CYP2D6: variants seen among roughly 807,000 people sequenced by gnomAD.
CYP2D6 encodes the protein cytochrome P450 family 2 subfamily D member 6 (gene/pseudogene), also known as cytochrome P450 2D6.
Under a neutral mutation model 43.5 loss-of-function variants are expected in CYP2D6, and 51 were observed. That is an observed-to-expected ratio of 1.17 (90% CI 0.94 to 1.48). The LOEUF is 1.48. Among genes scored for constraint, CYP2D6 ranks in the 40% most tolerant of loss-of-function variants. CYP2D6 has a pLI of 0.00. For missense variants in CYP2D6, 698 were observed against 688.0 expected, an observed-to-expected ratio of 1.01 and a Z score of -0.16; for synonymous variants, 346 against 297.1, an observed-to-expected ratio of 1.16 and a Z score of -1.69.
chr22:42,128,118 C>T, intron 5 of CYP2D6, 56 bp downstream of exon 5: 2 of 1,578,844 alleles, frequency 1.3e-6, no homozygotes, highest in Non-Finnish European at 8.6e-7. Context: ...TCCCCTCATT[C>T]CTCCTGGGAC....
At position 42,128,863 on chromosome 22, in the gene CYP2D6, T is replaced by G. The variant is rs948982668; in HGVS notation, c.587A>C (p.Glu196Ala). 5 of 1,603,416 alleles carry G rather than the reference T, an allele frequency of 3.1e-6. No homozygotes were observed. The African/African-American group carries it at 6.7e-5, about 22-fold the overall frequency. Residue 196 changes from glutamate to alanine, a missense_variant, in exon 4 of 9, where the codon GAG becomes GCG. Transcript: ENST00000645361. ...IASLTCGRRF[E>A]YDDPRFLRLL... ...CCTGAGGAAGCGAGGGTCGTCGTACTCGAAGCGGCGCCCGCAGGTGAGGGA... is the reference window on the plus strand; with the variant it reads ...CCTGAGGAAGCGAGGGTCGTCGTACGCGAAGCGGCGCCCGCAGGTGAGGGA...
rs1569020058 is a variant in CYP2D6, at chr22:42,127,607, A to AC, written c.1012dup (p.Val338GlyfsTer12). On this transcript the variant is annotated frameshift_variant, in exon 7 of 9. Transcript: ENST00000645361. LOFTEE classifies it high-confidence loss of function. ...CTCTGGTCGCCGCACCTGCCCTATC[A>AC]CGTCGTCGATCTCCTGTTGGACACG... 5 of 1,611,616 alleles carry AC rather than the reference A, an allele frequency of 3.1e-6. No individual in the cohort carries two copies. Among genetic ancestry groups the AC allele is most frequent in the Non-Finnish European group, 4.2e-6 (5 of 1,178,470 alleles).
At position 42,128,191 on chromosome 22, in the gene CYP2D6, G is replaced by T; in HGVS notation, c.826C>A (p.Leu276Met). 6.2e-7 allele frequency: 1 copy of T among 1,608,034 alleles called. No individual in the cohort carries two copies. The change falls in exon 5 of 9, where the codon CTG (leucine) becomes ATG (methionine). Residue 276 changes from leucine (L) to methionine (M), a missense_variant. Transcript: ENST00000645361. The part of the protein sequence containing the change: ...QPPRDLTEAF[L>M]AEMEKAKGNP... Reference sequence around the variant, plus strand: ...ACTCTCACCTTCTCCATCTCTGCCAGGAAGGCCTCAGTCAGGTCTCGGGGG... The same window carrying T: ...ACTCTCACCTTCTCCATCTCTGCCATGAAGGCCTCAGTCAGGTCTCGGGGG...
Position 42,127,518 on chromosome 22 carries a change from C to T in CYP2D6, c.1102G>A (p.Asp368Asn). Residue 368 changes from aspartate to asparagine, a missense_variant, in exon 7 of 9, where the codon GAC (aspartate) becomes AAC (asparagine). Physicochemically the swap from Asp to Asn is conservative, Grantham distance 23. Transcript: ENST00000645361. Reference protein sequence around the residue: ...AVIHEVQRFGDIVPLGVTHMT... With the variant: ...AVIHEVQRFGNIVPLGVTHMT... ...TGGGTCACACCCAGGGGGACGATGTCCCCAAAGCGCTGCACCTCATGAATC... is the reference window on the plus strand; with the variant it reads ...TGGGTCACACCCAGGGGGACGATGTTCCCAAAGCGCTGCACCTCATGAATC... The T allele has an allele frequency of 6.2e-7, 1 of 1,611,928 alleles. No individual in the cohort carries two copies. Among genetic ancestry groups the T allele is most frequent in the Non-Finnish European group, 8.5e-7 (1 of 1,178,518 alleles).
intron 7 of CYP2D6, 30 bp downstream of exon 7, chr22:42,127,417 G>A: frequency 6.5e-7 from 1 of 1,550,384 alleles, no homozygotes; most frequent in Admixed American, 1.7e-5. Context: ...TGCTGGTGCT[G>A]AGCTGGGGTG....
rs936238133 is a variant in CYP2D6, at chr22:42,128,425, T to A, written c.667-75A>T. On this transcript the variant is annotated intron_variant, in intron 4 of 8. Coordinates refer to ENST00000645361, the MANE Select transcript of CYP2D6 (RefSeq NM_000106.6). Reference sequence around the variant, plus strand: ...CTGGACAAGTCTCAGGCCCCAGCCATCTCCAGGTAGACCCAGGGCCTGCCT... The same window carrying A: ...CTGGACAAGTCTCAGGCCCCAGCCAACTCCAGGTAGACCCAGGGCCTGCCT... The A allele has an allele frequency of 6.1e-5, 94 of 1,546,844 alleles. 1 individual carries two copies. The highest frequency in any genetic ancestry group is 1.7e-4 in the Middle Eastern group (1 of 5,948).
intron 7 of CYP2D6, 90 bp from the exon 8 acceptor site, chr22:42,127,082 G>A: frequency 6.9e-7 from 1 of 1,453,904 alleles, no homozygotes; most frequent in East Asian, 2.4e-5. Flanking sequence ...CACACTGCCT[G>A]GCACACAGCT....
chr22:42,129,368 C>A, intron 2 of CYP2D6, 183 bp from the exon 3 acceptor site: 2 of 915,440 alleles, frequency 2.2e-6, no homozygotes, highest in Middle Eastern at 2.1e-4. Context: ...TGCCCCACCT[C>A]GTCTCTGCCC....
chr22:42,128,944 C>G lies in CYP2D6; in HGVS notation c.506G>C (p.Gly169Ala), dbSNP rs1288779666. 6 of 1,586,454 alleles carry G rather than the reference C, an allele frequency of 3.8e-6. No homozygotes were observed. Among genetic ancestry groups the G allele is most frequent in the Non-Finnish European group, 4.3e-6 (5 of 1,166,760 alleles). ...CLCAAFANHS[G>A]RPFRPNGLLD... ...GAGACCGTTGGGGCGAAAGGGGCGT[C>G]CTGGGGGTGGGAGATGCGGGTAAGG... is the stretch of plus-strand genomic sequence containing the variant. Residue 169 changes from glycine (G) to alanine (A), a missense_variant and splice_region_variant, in exon 4 of 9, where the codon GGA becomes GCA. This residue lies in a region of CYP2D6 where 588 missense variants were observed against 521.1 expected (regional missense o/e 1.13). Transcript: ENST00000645361.
intron 4 of CYP2D6, 135 bp from the exon 5 acceptor site, chr22:42,128,485 A>C (rs1485883469): frequency 9.3e-7 from 1 of 1,069,918 alleles, no homozygotes; most frequent in Non-Finnish European, 1.4e-6. Flanking sequence ...TCCCTCCCCA[A>C]GTGCCAGCCT....
chr22:42,128,432 G>C, intron 4 of CYP2D6, 82 bp from the exon 5 acceptor site: 1 of 1,508,030 alleles, frequency 6.6e-7, no homozygotes, highest in African/African-American at 1.4e-5. Flanking sequence ...CCATCTCCAG[G>C]TAGACCCAGG....
rs77562994 is a variant in CYP2D6, at chr22:42,128,160, G to T, written c.843+14C>A. 428 of 1,598,210 alleles carry T rather than the reference G, an allele frequency of 2.7e-4. 14 individuals carry two copies. The Admixed American group carries it at 7.2e-3, about 27-fold the overall frequency. ...CCCACCACCCTTGCCCCCCACCGTGGCAGCCACTCTCACCTTCTCCATCTC... is the reference window on the plus strand; with the variant it reads ...CCCACCACCCTTGCCCCCCACCGTGTCAGCCACTCTCACCTTCTCCATCTC... On this transcript the variant is annotated intron_variant, in intron 5 of 8. Coordinates refer to ENST00000645361, the MANE Select transcript of CYP2D6 (RefSeq NM_000106.6).
Position 42,128,963 on chromosome 22 carries a change from G to C in CYP2D6, c.506-19C>G. Reference sequence around the variant, plus strand: ...GGGCGTCCTGGGGGTGGGAGATGCGGGTAAGGGGTCGCCTTCCCCGTCCCC... The same window carrying C: ...GGGCGTCCTGGGGGTGGGAGATGCGCGTAAGGGGTCGCCTTCCCCGTCCCC... On this transcript the variant is annotated intron_variant, in intron 3 of 8. Transcript: ENST00000645361. The C allele has an allele frequency of 6.3e-7, 1 of 1,583,112 alleles. No individual in the cohort carries two copies. Among genetic ancestry groups the C allele is most frequent in the Non-Finnish European group, 8.6e-7 (1 of 1,164,740 alleles).
rs1037093492 is a variant in CYP2D6 at position 42,126,924 on chromosome 22, G to A, written c.1242C>T (p.Arg414=). 3 of 1,608,420 alleles carry A rather than the reference G, an allele frequency of 1.9e-6. 1 individual carries two copies. The part of the protein sequence containing the change: ...KDEAVWEKPF[R]FHPEHFLDAQ... Reference sequence around the variant, plus strand: ...CATCCAGGAAGTGTTCGGGGTGGAAGCGGAAGGGCTTCTCCCAGACGGCCT... The same window carrying A: ...CATCCAGGAAGTGTTCGGGGTGGAAACGGAAGGGCTTCTCCCAGACGGCCT... The change falls in exon 8 of 9, where the codon CGC becomes CGT. Residue 414 remains arginine (R), a synonymous_variant. Coordinates refer to ENST00000645361, the MANE Select transcript of CYP2D6 (RefSeq NM_000106.6).
At chr22:42,127,799 C>A (rs373844237) in intron 6 of CYP2D6, 43 bp downstream of exon 6, 1 of 1,605,508 alleles carries the variant, frequency 6.2e-7, no homozygotes, top group Admixed American at 1.7e-5. Context: ...CCGCCTGTAC[C>A]CTTCCTCCCT....
intron 2 of CYP2D6, chr22:42,129,482 T>A (rs996796748): frequency 1.4e-6 from 1 of 722,468 alleles, no homozygotes; most frequent in African/African-American, 1.7e-5. Flanking sequence ...CGACACCGGA[T>A]TCCAGCTGGG....
In CYP2D6 at chr22:42,129,713, T is replaced by G. The variant is rs200491483; in HGVS notation, c.352+25A>C. The G allele has an allele frequency of 4.4e-6, 7 of 1,608,824 alleles. No homozygotes were observed. The Admixed American group carries it at 8.3e-5, about 19-fold the overall frequency. ...CACCCACCCGGGTCCCACGGAAATC[T>G]GTCTCTGTCCCCACCGCTGCTTGCC... is the stretch of plus-strand genomic sequence containing the variant. On this transcript the variant is annotated intron_variant, in intron 2 of 8. Transcript: ENST00000645361.
Position 42,129,188 on chromosome 22 carries a change from G to A in CYP2D6, c.353-3C>T. The A allele has an allele frequency of 1.2e-6, 2 of 1,603,266 alleles. 1 individual carries two copies. Among genetic ancestry groups the A allele is most frequent in the South Asian group, 2.2e-5 (2 of 90,850 alleles). On this transcript the variant is annotated splice_region_variant and splice_polypyrimidine_tract_variant and intron_variant, in intron 2 of 8. Coordinates refer to ENST00000645361, the MANE Select transcript of CYP2D6 (RefSeq NM_000106.6). ...CCCATAGCGCGCCAGGAACACCCCT[G>A]GGGGTGGGACGGGCACGTGCGCGTG...
rs749920128 is a variant in CYP2D6 at position 42,129,696 on chromosome 22, C to A, written c.352+42G>T. On this transcript the variant is annotated intron_variant, in intron 2 of 8. Transcript: ENST00000645361. The stretch of plus-strand genomic sequence containing the variant: ...GCTCGGACTACGGTCATCACCCACC[C>A]GGGTCCCACGGAAATCTGTCTCTGT... 27 of 1,606,530 alleles carry A rather than the reference C, an allele frequency of 1.7e-5. 1 individual carries two copies. In the South Asian group the frequency reaches 3.0e-4, roughly 18 times the overall value.
Sources: allele counts gnomAD v4.1 joint callset, GRCh38; gene constraint gnomAD v4.1.1; regional missense constraint gnomAD v4.1.1; transcripts MANE v1.5; gene names NCBI Gene and HGNC (gene_info 2026-07-23, HGNC 2026-07-21).